The following FBN1 variants were observed in gnomAD, a reference collection of about 807,000 sequenced individuals.
FBN1 encodes the protein fibrillin 1.
Under a neutral mutation model 365.1 loss-of-function variants are expected in FBN1, and 29 were observed. That is an observed-to-expected ratio of 0.08 (90% CI 0.06 to 0.11). FBN1 has a LOEUF of 0.11. Among genes scored for constraint, FBN1 ranks in the 10% least tolerant of loss-of-function variants. FBN1 has a pLI of 1.00. For synonymous variants in FBN1, 1,210 were observed against 1,270.5 expected, an observed-to-expected ratio of 0.95 and a Z score of 1.01; for missense variants, 2,476 against 3,703.2, an observed-to-expected ratio of 0.67 and a Z score of 8.60.
chr15:48,522,664 T>G (rs1201324761), intron 9 of FBN1, among the ~76,000 whole-genome samples: 2 of 152,102 alleles, frequency 1.3e-5, no homozygotes, highest in African/African-American at 4.8e-5. Flanking sequence ...TGTCTTGAGG[T>G]TTCAATAAAT....
intron 6 of FBN1, among the ~76,000 whole-genome samples, chr15:48,573,973 A>G (rs1354289570): frequency 6.6e-6 from 1 of 152,206 alleles, no homozygotes; most frequent in Non-Finnish European, 1.5e-5. Context: ...GCCCTGGCTG[A>G]GGGTTAGGCC....
intron 2 of FBN1, among the ~76,000 whole-genome samples, chr15:48,637,775 C>T (rs1404718639): frequency 6.6e-6 from 1 of 152,194 alleles, no homozygotes; most frequent in Non-Finnish European, 1.5e-5. Flanking sequence ...AGATCTCTGC[C>T]TTCAAGGAGT....
At chr15:48,581,757 A>AT (rs2044393897) in intron 6 of FBN1, among the ~76,000 whole-genome samples, 2 of 152,222 alleles carry the variant, frequency 1.3e-5, no homozygotes, top group Non-Finnish European at 2.9e-5. Flanking sequence ...GCTAAAATTA[A>AT]AAGATAGTTA....
chr15:48,575,145 C>T (rs1280172716), intron 6 of FBN1, among the ~76,000 whole-genome samples: 2 of 152,170 alleles, frequency 1.3e-5, no homozygotes, highest in South Asian at 4.1e-4. Context: ...TCAGAGATGG[C>T]CCCTGCCCAC....
chr15:48,601,568 C>A (rs553916244), intron 4 of FBN1, among the ~76,000 whole-genome samples: 1 of 152,344 alleles, frequency 6.6e-6, no homozygotes, highest in Admixed American at 6.5e-5. Flanking sequence ...TCCTGAAGCA[C>A]AGGGGCCAAA....
chr15:48,514,302 C>T (rs951419001), intron 12 of FBN1, among the ~76,000 whole-genome samples: 1 of 152,196 alleles, frequency 6.6e-6, no homozygotes, highest in African/African-American at 2.4e-5. Flanking sequence ...CACTTGTCCA[C>T]ATGCTTCTTA....
In FBN1 at chr15:48,468,491, G is replaced by A. The variant is rs2043341420; in HGVS notation, c.4503C>T (p.Asn1501=). The part of the protein sequence containing the change: ...CLDPTTCISG[N]CVNTPGSYIC... The stretch of plus-strand genomic sequence containing the variant: ...TATAGCTGCCTGGAGTGTTGACACA[G>A]TTCCCACTGATGCACGTGGTTGGAT... Residue 1501 remains asparagine, a synonymous_variant, in exon 37 of 66, where the codon AAC becomes AAT. Coordinates refer to ENST00000316623, the MANE Select transcript of FBN1 (RefSeq NM_000138.5). 3 of 1,614,118 alleles carry A rather than the reference G, an allele frequency of 1.9e-6. No homozygotes were observed. Among genetic ancestry groups the A allele is most frequent in the Non-Finnish European group, 2.5e-6 (3 of 1,179,984 alleles).
chr15:48,418,271 A>G (rs13379564), intron 63 of FBN1, among the ~76,000 whole-genome samples: 136,410 of 152,200 alleles, frequency 0.9, 61,233 homozygotes, highest in African/African-American at 0.94. Context: ...TAGGAAAGAG[A>G]GAAGGCTAGA....
intron 36 of FBN1, 39 bp downstream of exon 36, chr15:48,470,595 A>G (rs2043364172): frequency 1.2e-6 from 2 of 1,612,970 alleles, no homozygotes; most frequent in African/African-American, 1.3e-5. Flanking sequence ...GTCCCCCGGG[A>G]CACCAGGGAG....
intron 8 of FBN1, among the ~76,000 whole-genome samples, chr15:48,531,436 G>GA (rs747023639): frequency 1.8e-4 from 28 of 151,998 alleles, no homozygotes; most frequent in Non-Finnish European, 2.9e-4. Context: ...GGTTTTTCTT[G>GA]AAAAAATTCT....
At chr15:48,547,237 A>G (rs1341843673) in intron 6 of FBN1, among the ~76,000 whole-genome samples, 2 of 152,152 alleles carry the variant, frequency 1.3e-5, no homozygotes, top group Non-Finnish European at 2.9e-5. Flanking sequence ...ATTAGGGTTG[A>G]GATTCTTACT....
At chr15:48,608,895 G>T (rs1430148773) in intron 4 of FBN1, among the ~76,000 whole-genome samples, 1 of 152,190 alleles carries the variant, frequency 6.6e-6, no homozygotes, top group Non-Finnish European at 1.5e-5. Context: ...ACTCGATAGA[G>T]AAGTCATTAT....
Position 48,411,240 on chromosome 15 carries a change from T to C in FBN1, c.8366A>G (p.Asn2789Ser), listed in dbSNP as rs1342079271. 1 of 1,614,166 alleles carries C rather than the reference T, an allele frequency of 6.2e-7. No homozygotes were observed. The highest frequency in any genetic ancestry group is 1.1e-5 in the South Asian group (1 of 91,084). The part of the protein sequence containing the change: ...ELLPALTTLT[N>S]HNRYLIESGN... ...AGATTCGATCAAGTATCTGTTGTGA[T>C]TCGTCAGAGTTGTAAGAGCTGGAAG... The change falls in exon 66 of 66, where the codon AAT becomes AGT. Residue 2789 changes from asparagine to serine, a missense_variant. Coordinates refer to ENST00000316623, the MANE Select transcript of FBN1 (RefSeq NM_000138.5).
chr15:48,492,687 A>G, intron 23 of FBN1, 101 bp from the exon 24 acceptor site: 2 of 1,020,634 alleles, frequency 2.0e-6, no homozygotes, highest in South Asian at 1.6e-5. Context: ...TGAACCTGGT[A>G]AGTTCATAAA....
At chr15:48,623,802 T>C (rs538177977) in intron 2 of FBN1, among the ~76,000 whole-genome samples, 2 of 152,310 alleles carry the variant, frequency 1.3e-5, no homozygotes, top group African/African-American at 2.4e-5. Context: ...AACAGTTTCA[T>C]TCACTGTGTA....
At chr15:48,530,291 T>A (rs4386083) in intron 8 of FBN1, among the ~76,000 whole-genome samples, 1 of 123,572 alleles carries the variant, frequency 8.1e-6, no homozygotes, top group African/African-American at 3.1e-5. Context: ...ATCCGCCGCC[T>A]GATCACAACT....
At chr15:48,503,690 A>G (rs2043682543) in intron 17 of FBN1, 97 bp downstream of exon 17, 2 of 1,544,306 alleles carry the variant, frequency 1.3e-6, no homozygotes, top group Non-Finnish European at 1.8e-6. Context: ...GTACCTGGAG[A>G]GCAAAATGTC....
chr15:48,562,424 T>C (rs995417713), intron 6 of FBN1, among the ~76,000 whole-genome samples: 11 of 152,168 alleles, frequency 7.2e-5, no homozygotes, highest in African/African-American at 2.7e-4. Context: ...GGCCATGTTG[T>C]GTATTACAAA....
At chr15:48,411,473 C>A in intron 65 of FBN1, 94 bp from the exon 66 acceptor site, 1 of 1,163,536 alleles carries the variant, frequency 8.6e-7, no homozygotes, top group Non-Finnish European at 1.3e-6. Flanking sequence ...CACACTAATA[C>A]AATTTTCTGC....
Sources: gnomAD v4.1 joint callset for allele counts (sites outside exome capture counted in the v4.1 genomes callset) on GRCh38, gnomAD v4.1.1 for gene constraint, MANE v1.5 for transcripts, NCBI Gene and HGNC (gene_info 2026-07-23, HGNC 2026-07-21) for gene names.